The following RANBP2 variants were observed in gnomAD, a reference collection of about 807,000 sequenced individuals.
The protein encoded by RANBP2 is E3 SUMO-protein ligase RanBP2.
In RANBP2, 57 loss-of-function variants were observed where a neutral mutation model predicts 303.6. That is an observed-to-expected ratio of 0.19 (90% CI 0.15 to 0.23). RANBP2 has a LOEUF of 0.23. Ranked by LOEUF, RANBP2 falls within the 10% of genes least tolerant of loss-of-function variation. RANBP2 has a pLI of 1.00. For synonymous variants in RANBP2, 1,167 were observed against 1,301.5 expected (o/e 0.90, Z 2.23); for missense variants, 3,138 against 3,780.8 (o/e 0.83, Z 4.46).
chr2:109,655,197 G>A, the RANBP2 span, among the ~76,000 whole-genome samples: 3 of 152,072 alleles, frequency 2.0e-5, no homozygotes, highest in African/African-American at 4.8e-5. Flanking sequence ...CACTGCACCC[G>A]GCTGGTGATC....
the RANBP2 span, among the ~76,000 whole-genome samples, chr2:109,643,752 G>A: frequency 6.6e-6 from 1 of 151,606 alleles, no homozygotes; most frequent in African/African-American, 2.4e-5. Flanking sequence ...GCCACAGAGT[G>A]AGACTCCCTC....
chr2:109,001,501 C>G, the RANBP2 span, among the ~76,000 whole-genome samples: 1,140 of 152,254 alleles, frequency 7.5e-3, 8 homozygotes, highest in Non-Finnish European at 0.012. Context: ...AGGAGCTGGA[C>G]AAGAAGGGAG....
the RANBP2 span, among the ~76,000 whole-genome samples, chr2:108,834,458 A>C: frequency 6.7e-6 from 1 of 150,154 alleles, no homozygotes; most frequent in African/African-American, 2.5e-5. Flanking sequence ...TAGGTGATCC[A>C]CACGCCTTGG....
the RANBP2 span, among the ~76,000 whole-genome samples, chr2:109,266,470 T>C: frequency 6.6e-6 from 1 of 152,042 alleles, no homozygotes; most frequent in Non-Finnish European, 1.5e-5. Flanking sequence ...TTGGGAGTGG[T>C]CCCAGAACGG....
At chr2:108,988,432 C>G in the RANBP2 span, among the ~76,000 whole-genome samples, 2 of 152,180 alleles carry the variant, frequency 1.3e-5, no homozygotes, top group Non-Finnish European at 2.9e-5. Flanking sequence ...CCACTCCCCT[C>G]CTTCTCTCCC....
the RANBP2 span, among the ~76,000 whole-genome samples, chr2:108,978,142 C>T: frequency 6.6e-5 from 10 of 152,212 alleles, no homozygotes; most frequent in Non-Finnish European, 1.3e-4. Context: ...ACACAGGTCC[C>T]GCCCCTGTAA....
the RANBP2 span, among the ~76,000 whole-genome samples, chr2:109,233,649 T>C: frequency 6.6e-6 from 1 of 152,248 alleles, no homozygotes; most frequent in African/African-American, 2.4e-5. Context: ...AGTATTTCCC[T>C]GCCTCCTGTT....
chr2:108,777,333 TCCCTTACCCCCC>T (rs879520915), intron 25 of RANBP2, 102 bp downstream of exon 25: 238,274 of 969,082 alleles, frequency 0.25, 30,124 homozygotes, highest in African/African-American at 0.35. Context: ...AGAAGTTTCT[TCCCTTACCCCCC>T]AGTTTGTTTT....
At chr2:108,866,078 A>T in the RANBP2 span, among the ~76,000 whole-genome samples, 1 of 152,176 alleles carries the variant, frequency 6.6e-6, no homozygotes, top group African/African-American at 2.4e-5. Flanking sequence ...ACTGGCTTTG[A>T]TGTGACTGGT....
At chr2:109,003,957 G>A in the RANBP2 span, among the ~76,000 whole-genome samples, 7 of 152,150 alleles carry the variant, frequency 4.6e-5, no homozygotes, top group East Asian at 3.8e-4. Flanking sequence ...CAGGTTCCCC[G>A]AGGTGCAGAC....
the RANBP2 span, among the ~76,000 whole-genome samples, chr2:109,396,813 C>T: frequency 4.6e-5 from 7 of 152,350 alleles, no homozygotes; most frequent in East Asian, 1.9e-4. Flanking sequence ...GGCCACAGAG[C>T]GGGCGTGACT....
At chr2:109,326,996 A>C in the RANBP2 span, among the ~76,000 whole-genome samples, 1 of 152,142 alleles carries the variant, frequency 6.6e-6, no homozygotes, top group Admixed American at 6.5e-5. Context: ...ATGTGTTGTT[A>C]ATATCTTCTG....
the RANBP2 span, among the ~76,000 whole-genome samples, chr2:109,458,572 C>CAGAGAGAGAGAGAGAG: frequency 8.7e-3 from 1,073 of 122,996 alleles, 67 homozygotes; most frequent in African/African-American, 0.017. Context: ...CAGCAGGAGA[C>CAGAGAGAGAGAGAGAG]AGAGAGAGAG....
chr2:109,576,196 A>G, the RANBP2 span, among the ~76,000 whole-genome samples: 2 of 152,286 alleles, frequency 1.3e-5, no homozygotes, highest in South Asian at 4.1e-4. Flanking sequence ...AGAAATTCAA[A>G]GCTGCAGTGA....
the RANBP2 span, among the ~76,000 whole-genome samples, chr2:109,105,138 T>C: frequency 1.3e-5 from 2 of 152,188 alleles, no homozygotes; most frequent in East Asian, 3.9e-4. Context: ...ACTCTCCCAA[T>C]GGATAGAAAA....
At chr2:108,777,969 A>C (rs140278789) in intron 25 of RANBP2, among the ~76,000 whole-genome samples, 1 of 152,244 alleles carries the variant, frequency 6.6e-6, no homozygotes, top group East Asian at 1.9e-4. Flanking sequence ...AGCTCCTGCC[A>C]CCTAGAAACA....
At chr2:109,271,502 T>C in the RANBP2 span, among the ~76,000 whole-genome samples, 1 of 152,242 alleles carries the variant, frequency 6.6e-6, no homozygotes, top group Admixed American at 6.5e-5. Flanking sequence ...GACTTTGCTG[T>C]CAGCCAACAT....
At chr2:109,585,098 T>G in the RANBP2 span, 2 of 1,437,832 alleles carry the variant, frequency 1.4e-6, no homozygotes, top group Non-Finnish European at 9.3e-7. Flanking sequence ...AAGAAAAACT[T>G]GTTTTATTAC....
the RANBP2 span, among the ~76,000 whole-genome samples, chr2:109,517,250 A>T: frequency 1.3e-5 from 2 of 150,756 alleles, no homozygotes; most frequent in Non-Finnish European, 3.0e-5. Context: ...GCCCCCTCCC[A>T]CGCCATCGCC....
Sources: gnomAD v4.1 joint callset for allele counts (sites outside exome capture counted in the v4.1 genomes callset) on GRCh38, gnomAD v4.1.1 for gene constraint, MANE v1.5 for transcripts, NCBI Gene and HGNC (gene_info 2026-07-23, HGNC 2026-07-21) for gene names.